The following PCGF5 variants were observed in gnomAD, a reference collection of about 807,000 sequenced individuals.
PCGF5 encodes polycomb group RING finger protein 5.
Under a neutral mutation model 44.3 loss-of-function variants are expected in PCGF5, and 9 were observed. The ratio of observed to expected loss-of-function variants is 0.20; its 90% CI spans 0.12 to 0.35. The LOEUF (loss-of-function observed/expected upper bound fraction) is 0.35, where lower values mean the gene tolerates loss of function less well. PCGF5 is among the 10% of genes least tolerant of loss of function. The pLI, the probability that PCGF5 is intolerant of heterozygous loss-of-function variation, is 1.00. For synonymous variants in PCGF5, 95 were observed against 102.5 expected, an observed-to-expected ratio of 0.93 and a Z score of 0.44; for missense variants, 146 against 305.3, an observed-to-expected ratio of 0.48 and a Z score of 3.89.
intron 1 of PCGF5, among the ~76,000 whole-genome samples, chr10:91,186,605 T>TAC (rs71923551): frequency 0.5 from 75,377 of 151,002 alleles, 22,762 homozygotes; most frequent in Non-Finnish European, 0.68. Flanking sequence ...TGTGTATATA[T>TAC]ACACACATAT....
chr10:91,249,044 C>T (rs1168824840), intron 5 of PCGF5, among the ~76,000 whole-genome samples: 1 of 151,954 alleles, frequency 6.6e-6, no homozygotes, highest in Admixed American at 6.6e-5. Flanking sequence ...TAAGAAATAG[C>T]CACAGCTTGC....
chr10:91,242,425 A>T (rs905643092), intron 3 of PCGF5, among the ~76,000 whole-genome samples: 2 of 151,884 alleles, frequency 1.3e-5, no homozygotes, highest in Non-Finnish European at 2.9e-5. Flanking sequence ...AAAATAAAAA[A>T]CTGTTAATAA....
intron 1 of PCGF5, among the ~76,000 whole-genome samples, chr10:91,176,448 A>G (rs1564625317): frequency 6.6e-6 from 1 of 152,128 alleles, no homozygotes; most frequent in Admixed American, 6.5e-5. Flanking sequence ...CTGAATTTGA[A>G]TGTTGGCCTG....
chr10:91,246,023 C>T (rs899419739), intron 3 of PCGF5, among the ~76,000 whole-genome samples: 6 of 152,162 alleles, frequency 3.9e-5, no homozygotes, highest in African/African-American at 1.4e-4. Flanking sequence ...TGGATTTAAC[C>T]TGAGTTGTAC....
chr10:91,275,236 A>G (rs956076627), intron 9 of PCGF5, among the ~76,000 whole-genome samples: 1 of 152,112 alleles, frequency 6.6e-6, no homozygotes, highest in Non-Finnish European at 1.5e-5. Context: ...ATCAGGCAAG[A>G]TACACAAGAA....
chr10:91,211,127 G>A (rs1175161906), intron 1 of PCGF5, among the ~76,000 whole-genome samples: 3 of 152,094 alleles, frequency 2.0e-5, no homozygotes, highest in Admixed American at 1.3e-4. Context: ...GCATTATTTT[G>A]ATTACAGCAA....
At chr10:91,271,987 G>C (rs915641715) in intron 9 of PCGF5, among the ~76,000 whole-genome samples, 2 of 152,060 alleles carry the variant, frequency 1.3e-5, no homozygotes, top group African/African-American at 4.8e-5. Context: ...ACTCCATATT[G>C]GATTTTGAGA....
intron 1 of PCGF5, among the ~76,000 whole-genome samples, chr10:91,209,257 T>C (rs1844404474): frequency 6.6e-6 from 1 of 152,238 alleles, no homozygotes; most frequent in South Asian, 2.1e-4. Context: ...GGAATCTTCC[T>C]TGTAGAAGAA....
At chr10:91,207,684 C>A (rs1844372103) in intron 1 of PCGF5, among the ~76,000 whole-genome samples, 1 of 152,158 alleles carries the variant, frequency 6.6e-6, no homozygotes, top group African/African-American at 2.4e-5. Flanking sequence ...TATCAAATTT[C>A]TTTAATCTTT....
At chr10:91,192,249 G>GT (rs1844046759) in intron 1 of PCGF5, among the ~76,000 whole-genome samples, 1 of 152,096 alleles carries the variant, frequency 6.6e-6, no homozygotes, top group South Asian at 2.1e-4. Flanking sequence ...GACTATTTTA[G>GT]TTTATTTTTC....
At chr10:91,159,933 T>C (rs1052501152), upstream of PCGF5, among the ~76,000 whole-genome samples, 4 of 152,218 alleles carry the variant, frequency 2.6e-5, no homozygotes, top group Non-Finnish European at 5.9e-5. Flanking sequence ...CACCAAACAA[T>C]GTTGAAAATT....
the PCGF5 span, among the ~76,000 whole-genome samples, chr10:91,157,825 G>T: frequency 6.6e-6 from 1 of 152,168 alleles, no homozygotes; most frequent in East Asian, 1.9e-4. Context: ...TAACATTTTT[G>T]TTCCTCAATT....
At chr10:91,198,221 A>G (rs1844180142) in intron 1 of PCGF5, among the ~76,000 whole-genome samples, 1 of 152,182 alleles carries the variant, frequency 6.6e-6, no homozygotes. Flanking sequence ...ACAGTGGCCC[A>G]GAAGAGCCTG....
At chr10:91,264,223 A>G (rs1205808832) in intron 7 of PCGF5, among the ~76,000 whole-genome samples, 1 of 152,212 alleles carries the variant, frequency 6.6e-6, no homozygotes, top group Non-Finnish European at 1.5e-5. Flanking sequence ...GATAAACAGT[A>G]TCTTGTATAT....
At chr10:91,274,663 A>C (rs1360441162) in intron 9 of PCGF5, among the ~76,000 whole-genome samples, 1 of 152,214 alleles carries the variant, frequency 6.6e-6, no homozygotes, top group East Asian at 1.9e-4. Context: ...GATAAATAGA[A>C]TAGTTTTAAT....
intron 8 of PCGF5, among the ~76,000 whole-genome samples, chr10:91,268,973 A>G (rs1337725993): frequency 6.6e-6 from 1 of 152,124 alleles, no homozygotes; most frequent in African/African-American, 2.4e-5. Flanking sequence ...CTTGGCATTA[A>G]TCTTTTTCTT....
At chr10:91,182,784 A>T (rs1223871124) in intron 1 of PCGF5, among the ~76,000 whole-genome samples, 1 of 152,108 alleles carries the variant, frequency 6.6e-6, no homozygotes, top group African/African-American at 2.4e-5. Context: ...TTTCTGCCTT[A>T]ATTTCATTAT....
chr10:91,266,703 C>T (rs1589408635), intron 8 of PCGF5, among the ~76,000 whole-genome samples: 1 of 152,274 alleles, frequency 6.6e-6, no homozygotes, highest in East Asian at 1.9e-4. Flanking sequence ...CTCAATAGTT[C>T]TAAGATTGGT....
chr10:91,273,272 T>G (rs1193685513), intron 9 of PCGF5, among the ~76,000 whole-genome samples: 1 of 152,220 alleles, frequency 6.6e-6, no homozygotes, highest in Non-Finnish European at 1.5e-5. Context: ...TTCAGCTGCT[T>G]TAGCCTCATG....
Sources: gnomAD v4.1 joint callset for allele counts (sites outside exome capture counted in the v4.1 genomes callset) on GRCh38, gnomAD v4.1.1 for gene constraint, MANE v1.5 for transcripts, NCBI Gene and HGNC (gene_info 2026-07-23, HGNC 2026-07-21) for gene names.